HADHA: variants seen among roughly 807,000 people sequenced by gnomAD.
HADHA encodes the protein trifunctional enzyme subunit alpha, mitochondrial.
In HADHA, 59 loss-of-function variants were observed where a neutral mutation model predicts 91.3. That is an observed-to-expected ratio of 0.65 (90% CI 0.52 to 0.80). The LOEUF (loss-of-function observed/expected upper bound fraction) is 0.80, where lower values mean the gene tolerates loss of function less well. HADHA is among the 30% of genes least tolerant of loss of function. HADHA has a pLI of 0.00. For missense variants in HADHA, 800 were observed against 927.6 expected, an observed-to-expected ratio of 0.86 and a Z score of 1.79; for synonymous variants, 320 against 338.9, an observed-to-expected ratio of 0.94 and a Z score of 0.61.
chr2:26,238,740 C>A (rs1373049206), intron 3 of HADHA, among the ~76,000 whole-genome samples, 194 bp downstream of exon 3: 1 of 152,206 alleles, frequency 6.6e-6, no homozygotes, highest in East Asian at 1.9e-4. Context: ...GGAATTCTTA[C>A]GCAAGAACCT....
At chr2:26,215,644 T>C (rs1670199557) in intron 7 of HADHA, among the ~76,000 whole-genome samples, 1 of 152,192 alleles carries the variant, frequency 6.6e-6, no homozygotes, top group African/African-American at 2.4e-5. Context: ...CAGGGATGTG[T>C]AATGCTTTTG....
intron 4 of HADHA, among the ~76,000 whole-genome samples, chr2:26,235,984 T>C (rs1458559454): frequency 6.6e-6 from 1 of 152,250 alleles, no homozygotes; most frequent in Non-Finnish European, 1.5e-5. Context: ...TTCATGTTTG[T>C]AGTGTCTCCT....
At chr2:26,240,992 C>T (rs1670874896) in intron 1 of HADHA, among the ~76,000 whole-genome samples, 1 of 152,196 alleles carries the variant, frequency 6.6e-6, no homozygotes, top group Non-Finnish European at 1.5e-5. Context: ...CAAATCAAGT[C>T]ACACTGCAAG....
chr2:26,194,507 A>C, intron 16 of HADHA, 63 bp downstream of exon 16: 2 of 998,148 alleles, frequency 2.0e-6, no homozygotes, highest in Non-Finnish European at 3.2e-6. Context: ...TCTTGACATC[A>C]TGAGTTTTAG....
chr2:26,237,120 A>G (rs1245854847), intron 3 of HADHA, 132 bp from the exon 4 acceptor site: 12 of 770,238 alleles, frequency 1.6e-5, no homozygotes, highest in Admixed American at 1.1e-4. Flanking sequence ...AGAGAGTAAG[A>G]AATATCATTC....
At chr2:26,242,159 G>C (rs56218721) in intron 1 of HADHA, among the ~76,000 whole-genome samples, 60,844 of 151,998 alleles carry the variant, frequency 0.4, 13,992 homozygotes, top group Non-Finnish European at 0.53. Flanking sequence ...CAATATACTG[G>C]GATTATAGGC....
At chr2:26,196,101 C>T (rs1669665011) in intron 14 of HADHA, among the ~76,000 whole-genome samples, 1 of 152,164 alleles carries the variant, frequency 6.6e-6, no homozygotes, top group Non-Finnish European at 1.5e-5. Flanking sequence ...CCACTTATTC[C>T]TTACATTTAA....
intron 11 of HADHA, among the ~76,000 whole-genome samples, chr2:26,205,423 T>G (rs562335474): frequency 1.3e-5 from 2 of 152,282 alleles, no homozygotes; most frequent in East Asian, 3.9e-4. Context: ...AATATTTATA[T>G]GGTGAGTGAT....
At chr2:26,211,561 T>G (rs1201525888) in intron 10 of HADHA, among the ~76,000 whole-genome samples, 1 of 152,248 alleles carries the variant, frequency 6.6e-6, no homozygotes, top group Non-Finnish European at 1.5e-5. Context: ...ATTAATTTCA[T>G]GTTTAGACTC....
intron 7 of HADHA, among the ~76,000 whole-genome samples, chr2:26,227,135 GA>G (rs1670502492): frequency 6.6e-6 from 1 of 152,156 alleles, no homozygotes; most frequent in Non-Finnish European, 1.5e-5. Context: ...CAAAAAATTT[GA>G]ACAGATGCTT....
intron 14 of HADHA, 58 bp downstream of exon 14, chr2:26,197,633 T>C: frequency 1.2e-6 from 1 of 845,308 alleles, no homozygotes; most frequent in South Asian, 1.3e-5. Flanking sequence ...CTGTAAGCCT[T>C]TATCAGTGAA....
In HADHA at chr2:26,229,921, A is replaced by T. The variant is rs1441826595; in HGVS notation, c.676+271T>A. On this transcript the variant is annotated intron_variant, in intron 7 of 19. Transcript: ENST00000380649. The surrounding 1 kb of genome is among the most constrained non-coding windows in gnomAD (Gnocchi z 4.3). ...GGCTCACTGCAACCTCAGCCCCGCC[A>T]GGTTCAAGCGATCCTCCTGCCTCAG... Among the ~76,000 whole-genome samples, 1 of 152,144 alleles carries T rather than the reference A, an allele frequency of 6.6e-6. No homozygotes were observed. Among genetic ancestry groups the T allele is most frequent in the African/African-American group, 2.4e-5 (1 of 41,422 alleles).
chr2:26,228,399 G>A (rs1253327831), intron 7 of HADHA, among the ~76,000 whole-genome samples: 2 of 152,064 alleles, frequency 1.3e-5, no homozygotes, highest in Non-Finnish European at 2.9e-5. Context: ...CCAAAGTGCT[G>A]GGATTAGAGG....
intron 11 of HADHA, among the ~76,000 whole-genome samples, chr2:26,206,030 G>A (rs893687037): frequency 3.9e-5 from 6 of 152,024 alleles, no homozygotes; most frequent in Admixed American, 3.9e-4. Context: ...GCCAGGCACG[G>A]TAGCTCATGC....
At chr2:26,234,407 A>C (rs747204203) in intron 4 of HADHA, 52 bp from the exon 5 acceptor site, 1 of 1,457,612 alleles carries the variant, frequency 6.9e-7, no homozygotes, top group South Asian at 1.1e-5. Context: ...ACTATAATTT[A>C]TTTGGTTCAA....
chr2:26,238,053 G>C (rs906056303), intron 3 of HADHA, among the ~76,000 whole-genome samples: 9 of 152,330 alleles, frequency 5.9e-5, no homozygotes, highest in Admixed American at 5.2e-4. Context: ...TGTGGCCCAG[G>C]CTGGAGTGCA....
Position 26,209,851 on chromosome 2 carries a change from G to A in HADHA, c.1014C>T (p.Ala338=), listed in dbSNP as rs748021991. Residue 338 remains alanine (A), a synonymous_variant, in exon 11 of 20, where the codon GCC becomes GCT. Coordinates refer to ENST00000380649, the MANE Select transcript of HADHA (RefSeq NM_000182.5). ...GELVMTKESK[A]LMGLYHGQVL... ...CCTGACCATGGTAGAGTCCCATCAA[G>A]GCCTTTGATTCTTTGGTCATTACAA... 7 of 1,605,326 alleles carry A rather than the reference G, an allele frequency of 4.4e-6. No individual in the cohort carries two copies. The Admixed American group carries it at 1.2e-4, about 27-fold the overall frequency.
rs184300489 is a variant in HADHA, at chr2:26,244,621, G to A, written c.-25C>T. ...TCTTGAGCTGAAGAGGACAGCAGTG[G>A]AGAGCGCCTCTAACGGGTGCGGCCG... On this transcript the variant is annotated 5_prime_UTR_variant, in exon 1 of 20. Coordinates refer to ENST00000380649, the MANE Select transcript of HADHA (RefSeq NM_000182.5). The A allele has an allele frequency of 3.2e-6, 5 of 1,564,034 alleles. No individual in the cohort carries two copies. The highest frequency in any genetic ancestry group is 4.3e-6 in the Non-Finnish European group (5 of 1,153,782).
intron 14 of HADHA, 52 bp downstream of exon 14, chr2:26,197,639 G>A (rs1176345281): frequency 2.3e-6 from 2 of 858,942 alleles, no homozygotes; most frequent in Non-Finnish European, 4.1e-6. Flanking sequence ...GCCTTTATCA[G>A]TGAATCTGAA....
Sources: allele counts gnomAD v4.1 joint callset (sites outside exome capture counted in the v4.1 genomes callset), GRCh38; gene constraint gnomAD v4.1.1; non-coding constraint Gnocchi (gnomAD v3.1); transcripts MANE v1.5; gene names NCBI Gene and HGNC (gene_info 2026-07-23, HGNC 2026-07-21).